TMEM156: variants seen among roughly 807,000 people sequenced by gnomAD.
TMEM156 encodes transmembrane protein 156.
In TMEM156, 28 loss-of-function variants were observed where a neutral mutation model predicts 30.5. The observed-to-expected ratio is 0.92, with a 90% CI of 0.68 to 1.26. TMEM156 has a LOEUF of 1.26. TMEM156 is among the 50% of genes most tolerant of loss of function. TMEM156 has a pLI of 0.00. For missense variants in TMEM156, 351 were observed against 340.6 expected (o/e 1.03, Z -0.24); for synonymous variants, 137 against 119.9 (o/e 1.14, Z -0.93).
chr4:38,971,214 G>A, intron 5 of TMEM156, 77 bp from the exon 6 acceptor site: 2 of 1,362,584 alleles, frequency 1.5e-6, no homozygotes, highest in Non-Finnish European at 2.1e-6. Flanking sequence ...AATGTAGTAA[G>A]AGTAGCAAGA....
At chr4:38,968,813 G>A (rs552219428) in intron 6 of TMEM156, among the ~76,000 whole-genome samples, 2 of 152,204 alleles carry the variant, frequency 1.3e-5, no homozygotes, top group South Asian at 2.1e-4. Flanking sequence ...AGCCATCGAC[G>A]CTGGATCCCT....
intron 1 of TMEM156, among the ~76,000 whole-genome samples, chr4:39,031,232 C>T (rs910866647): frequency 4.1e-4 from 63 of 152,254 alleles, no homozygotes; most frequent in African/African-American, 1.4e-3. Flanking sequence ...GCACAATTAC[C>T]ATTTGAACCT....
chr4:38,992,676 AATATATTATATAATATATTATATAAT>A (rs1560366575), intron 3 of TMEM156, among the ~76,000 whole-genome samples: 2 of 49,724 alleles, frequency 4.0e-5, no homozygotes, highest in Non-Finnish European at 8.5e-5. Context: ...ATATATATAT[AATATATTATATAATATATTATATAAT>A]ATATATATAT....
Position 38,976,914 on chromosome 4 carries a change from GTTC to G in TMEM156, c.824-5780_824-5778del, listed in dbSNP as rs753317037. 2.4e-3 allele frequency among the ~76,000 whole-genome samples: 365 copies of G among 151,406 alleles called. 2 individuals are homozygous for G. The Middle Eastern group carries it at 0.038, about 16-fold the overall frequency. On this transcript the variant is annotated intron_variant, in intron 5 of 6. Coordinates refer to ENST00000381938, the MANE Select transcript of TMEM156 (RefSeq NM_024943.3). ...TTTTGTTGTTGTTGTTGTTGTTGTT[GTTC>G]TTGTTTGAGACAGAGTCTGGCTCTG...
At chr4:39,027,775 GAGA>G (rs1715298343) in intron 1 of TMEM156, among the ~76,000 whole-genome samples, 1 of 40,722 alleles carries the variant, frequency 2.5e-5, no homozygotes, top group Non-Finnish European at 5.5e-5. Context: ...TTTTTTTTTT[GAGA>G]AGAAGTCTCG....
chr4:38,988,740 A>G (rs886465118), intron 4 of TMEM156, 111 bp downstream of exon 4: 1 of 1,385,814 alleles, frequency 7.2e-7, no homozygotes, highest in Admixed American at 2.1e-5. Flanking sequence ...GTTACCAAGA[A>G]TCACCACTTA....
In TMEM156 at chr4:39,032,374, CTTTAAG is replaced by C; in HGVS notation, c.-67_-62del. On this transcript the variant is annotated 5_prime_UTR_variant, in exon 1 of 7. Coordinates refer to ENST00000381938, the MANE Select transcript of TMEM156 (RefSeq NM_024943.3). The stretch of plus-strand genomic sequence containing the variant: ...TACATTCATGGTATGTTGCTTCCTG[CTTTAAG>C]TTTATCTCTGCAGCACTTTAGGTTA... The C allele has an allele frequency of 1.9e-6, 2 of 1,050,996 alleles. No individual in the cohort carries two copies. Among genetic ancestry groups the C allele is most frequent in the Admixed American group, 4.0e-5 (2 of 50,234 alleles). 65.1% of individuals were successfully genotyped at this position (1,050,996 alleles called of 1,614,324 possible). A position where few individuals can be genotyped will look rare whatever the true frequency, so the allele number is the denominator to read the frequency against.
chr4:38,967,818 C>T (rs575056785), intron 6 of TMEM156, among the ~76,000 whole-genome samples, 177 bp from the exon 7 acceptor site: 6 of 152,304 alleles, frequency 3.9e-5, no homozygotes, highest in Non-Finnish European at 7.4e-5. Context: ...GCAACCTGAC[C>T]GCCTCAGCCT....
Position 39,000,685 on chromosome 4 carries a change from G to A in TMEM156, c.89-1776C>T, listed in dbSNP as rs142149360. 6.3e-3 allele frequency among the ~76,000 whole-genome samples: 961 copies of A among 152,110 alleles called. 7 individuals carry two copies. Among genetic ancestry groups the A allele is most frequent in the African/African-American group, 0.022 (903 of 41,514 alleles). ...TTGGATCACTTGAGGTCAGGAGTTCGAGACCAGCCTGGCCAACATAGTGAA... is the reference window on the plus strand; with the variant it reads ...TTGGATCACTTGAGGTCAGGAGTTCAAGACCAGCCTGGCCAACATAGTGAA... On this transcript the variant is annotated intron_variant, in intron 1 of 6. Transcript: ENST00000381938.
At chr4:39,023,019 T>G (rs1243987373) in intron 1 of TMEM156, among the ~76,000 whole-genome samples, 1 of 152,152 alleles carries the variant, frequency 6.6e-6, no homozygotes, top group Non-Finnish European at 1.5e-5. Context: ...CCCCTAAAAT[T>G]CCAATATGAT....
intron 1 of TMEM156, among the ~76,000 whole-genome samples, chr4:39,018,599 T>G (rs1714656900): frequency 6.6e-6 from 1 of 152,214 alleles, no homozygotes; most frequent in African/African-American, 2.4e-5. Context: ...CAACAAAAAT[T>G]TTGCCTCAGC....
chr4:39,013,416 TATTA>T (rs1388369633), intron 1 of TMEM156, among the ~76,000 whole-genome samples: 3 of 125,378 alleles, frequency 2.4e-5, no homozygotes, highest in Admixed American at 8.3e-5. Context: ...TTTATTTATT[TATTA>T]AGACGGAGTC....
intron 1 of TMEM156, among the ~76,000 whole-genome samples, chr4:39,005,902 C>CT (rs1234565973): frequency 6.6e-6 from 1 of 151,980 alleles, no homozygotes; most frequent in Non-Finnish European, 1.5e-5. Flanking sequence ...TATAAAAATT[C>CT]TTTTTCTTTT....
At chr4:38,998,543 CAAA>C (rs199767864) in intron 2 of TMEM156, 94 bp downstream of exon 2, 69 of 952,636 alleles carry the variant, frequency 7.2e-5, no homozygotes, top group Middle Eastern at 3.9e-4. Flanking sequence ...GACTCCATCT[CAAA>C]AAAAAAAAAA....
chr4:38,989,164 A>G (rs3821987), intron 3 of TMEM156, among the ~76,000 whole-genome samples, 194 bp from the exon 4 acceptor site: 11,543 of 152,316 alleles, frequency 0.076, 560 homozygotes, highest in Middle Eastern at 0.13. Context: ...TTATACGGGT[A>G]AACTTGAGTA....
intron 5 of TMEM156, among the ~76,000 whole-genome samples, chr4:38,971,713 T>C (rs1406926818): frequency 6.6e-6 from 1 of 152,236 alleles, no homozygotes; most frequent in Non-Finnish European, 1.5e-5. Flanking sequence ...AGCTTTTATA[T>C]TGAGAATTGA....
In TMEM156 at chr4:39,020,648, C is replaced by A. The variant is rs12171418; in HGVS notation, c.88+11578G>T. Among the ~76,000 whole-genome samples the A allele has an allele frequency of 5.4e-3, 817 of 152,186 alleles. 7 individuals carry two copies. The highest frequency in any genetic ancestry group is 0.019 in the African/African-American group (772 of 41,516). Reference sequence around the variant, plus strand: ...CTCACTGCAACCTCCACCTCCCGTTCGAGCAATTCTCCTGCTTCAGCCTCC... The same window carrying A: ...CTCACTGCAACCTCCACCTCCCGTTAGAGCAATTCTCCTGCTTCAGCCTCC... On this transcript the variant is annotated intron_variant, in intron 1 of 6. Transcript: ENST00000381938.
intron 1 of TMEM156, among the ~76,000 whole-genome samples, chr4:39,025,761 G>C (rs1577590745): frequency 6.6e-6 from 1 of 152,272 alleles, no homozygotes; most frequent in East Asian, 1.9e-4. Context: ...AAATGACTCA[G>C]GGTAAAAAGA....
chr4:38,991,630 T>C (rs1045611798), intron 3 of TMEM156, among the ~76,000 whole-genome samples: 7 of 152,186 alleles, frequency 4.6e-5, no homozygotes, highest in Admixed American at 3.9e-4. Flanking sequence ...AGCTGTTAAC[T>C]ATTATTTCAC....
Sources: gnomAD v4.1 joint callset for allele counts (sites outside exome capture counted in the v4.1 genomes callset) on GRCh38, gnomAD v4.1.1 for gene constraint, MANE v1.5 for transcripts, NCBI Gene and HGNC (gene_info 2026-07-23, HGNC 2026-07-21) for gene names.